Variants in PVT1 observed in about 807,000 individuals in gnomAD.
PVT1 encodes the protein Pvt1 oncogene.
At chr8:127,817,546 T>TATATATATATATATAC (rs1280832628) in intron 2 of PVT1, among the ~76,000 whole-genome samples, 1 of 89,936 alleles carries the variant, frequency 1.1e-5, no homozygotes, top group Non-Finnish European at 2.3e-5. Flanking sequence ...TATATATATA[T>TATATATATATATATAC]ACACACACAC....
chr8:127,864,887 C>A (rs1292600520), intron 2 of PVT1, among the ~76,000 whole-genome samples: 1 of 152,122 alleles, frequency 6.6e-6, no homozygotes, highest in Non-Finnish European at 1.5e-5. Context: ...GTGGAGGCCG[C>A]GGGAACTAGA....
intron 4 of PVT1, among the ~76,000 whole-genome samples, chr8:127,991,961 C>T (rs1284401206): frequency 6.6e-6 from 1 of 151,978 alleles, no homozygotes; most frequent in Non-Finnish European, 1.5e-5. Context: ...GCAGCAAAGG[C>T]ACCAGGAACA....
At chr8:127,921,921 C>G (rs1374983026) in intron 3 of PVT1, among the ~76,000 whole-genome samples, 2 of 109,390 alleles carry the variant, frequency 1.8e-5, no homozygotes, top group South Asian at 3.4e-4. Context: ...AGTGCAGTGG[C>G]GTGATCTTAG....
chr8:128,077,942 T>C (rs1190571537), intron 5 of PVT1, among the ~76,000 whole-genome samples: 1 of 152,172 alleles, frequency 6.6e-6, no homozygotes, highest in Non-Finnish European at 1.5e-5. Flanking sequence ...CAAAAATAAA[T>C]TTCCTGACAC....
intron 2 of PVT1, among the ~76,000 whole-genome samples, chr8:127,834,608 G>T (rs1482471803): frequency 6.6e-6 from 1 of 152,138 alleles, no homozygotes; most frequent in African/African-American, 2.4e-5. Context: ...CACAGCAAAA[G>T]AAACTACTAT....
intron 3 of PVT1, among the ~76,000 whole-genome samples, chr8:127,979,488 G>A (rs1357426372): frequency 6.6e-6 from 1 of 152,206 alleles, no homozygotes; most frequent in African/African-American, 2.4e-5. Flanking sequence ...GTGTTCTCTA[G>A]GAAACAGACG....
chr8:127,938,480 G>A lies in PVT1; in HGVS notation n.782+47482G>A, dbSNP rs530756951. Among the ~76,000 whole-genome samples the A allele has an allele frequency of 3.3e-5, 5 of 152,314 alleles. No individual in the cohort carries two copies. The South Asian group carries it at 8.3e-4, about 25-fold the overall frequency. On this transcript the variant is annotated intron_variant and non_coding_transcript_variant, in intron 3 of 10. Coordinates refer to ENST00000651587, the Ensembl canonical transcript of PVT1. ...CCAGAGCCTTGAGGGGCTGCTGATAGGAACCCAAGGCCTCACCCTGGGGCT... is the reference window on the plus strand; with the variant it reads ...CCAGAGCCTTGAGGGGCTGCTGATAAGAACCCAAGGCCTCACCCTGGGGCT...
chr8:127,861,769 C>T (rs1815231161), intron 2 of PVT1, among the ~76,000 whole-genome samples: 1 of 152,160 alleles, frequency 6.6e-6, no homozygotes, highest in Admixed American at 6.5e-5. Context: ...GTTGTCAAAG[C>T]CCCTCGCTAG....
chr8:127,891,728 C>A (rs1425961366), intron 3 of PVT1, among the ~76,000 whole-genome samples: 2 of 152,074 alleles, frequency 1.3e-5, no homozygotes, highest in African/African-American at 4.8e-5. Context: ...CTGAGCAGAG[C>A]CAGGGAGGCA....
At chr8:128,046,686 C>G (rs572406224) in intron 4 of PVT1, among the ~76,000 whole-genome samples, 1 of 152,352 alleles carries the variant, frequency 6.6e-6, no homozygotes, top group South Asian at 2.1e-4. Context: ...GCTGAACATT[C>G]TTTCACTCTC....
chr8:128,040,891 T>A (rs758725097), intron 4 of PVT1, among the ~76,000 whole-genome samples: 31 of 119,386 alleles, frequency 2.6e-4, no homozygotes, highest in Non-Finnish European at 3.1e-4. Context: ...TGTGTTTGTG[T>A]GTATATGTTT....
At chr8:128,031,176 G>A (rs1459670586) in intron 4 of PVT1, among the ~76,000 whole-genome samples, 1 of 152,210 alleles carries the variant, frequency 6.6e-6, no homozygotes, top group African/African-American at 2.4e-5. Context: ...TAGGAGGCTG[G>A]GCACCTCCTT....
At chr8:128,095,625 G>A (rs1180054277) in intron 5 of PVT1, among the ~76,000 whole-genome samples, 1 of 152,226 alleles carries the variant, frequency 6.6e-6, no homozygotes, top group Non-Finnish European at 1.5e-5. Flanking sequence ...TATAGTGGGG[G>A]AGTGGAATCG....
At chr8:128,028,129 G>A (rs1435038578) in intron 4 of PVT1, among the ~76,000 whole-genome samples, 2 of 152,196 alleles carry the variant, frequency 1.3e-5, no homozygotes, top group African/African-American at 4.8e-5. Flanking sequence ...AACCAGTCCA[G>A]CCAGGTCCCC....
intron 2 of PVT1, among the ~76,000 whole-genome samples, chr8:127,846,284 C>A (rs1279413443): frequency 6.6e-6 from 1 of 152,162 alleles, no homozygotes; most frequent in Non-Finnish European, 1.5e-5. Context: ...TTTGTTGAGT[C>A]CCTGGTGGGT....
At chr8:128,068,237 C>T (rs1362122213) in intron 4 of PVT1, among the ~76,000 whole-genome samples, 3 of 151,968 alleles carry the variant, frequency 2.0e-5, no homozygotes, top group Non-Finnish European at 4.4e-5. Flanking sequence ...GCTTTAGGCT[C>T]CCATTCTCCT....
chr8:127,876,253 A>AGTGTGTGTGT (rs56039408), intron 2 of PVT1, among the ~76,000 whole-genome samples: 1 of 149,104 alleles, frequency 6.7e-6, no homozygotes, highest in African/African-American at 2.5e-5. Context: ...CCCAAACAGC[A>AGTGTGTGTGT]GTGTGTGTGT....
intron 3 of PVT1, among the ~76,000 whole-genome samples, chr8:127,928,397 C>G (rs1301007170): frequency 6.6e-6 from 1 of 152,174 alleles, no homozygotes; most frequent in Non-Finnish European, 1.5e-5. Context: ...CCCTATCTTT[C>G]TCCTACACTG....
At chr8:127,798,941 TATAGC>T (rs1814430964) in intron 2 of PVT1, among the ~76,000 whole-genome samples, 2 of 152,072 alleles carry the variant, frequency 1.3e-5, no homozygotes, top group Non-Finnish European at 2.9e-5. Context: ...TGCAATCAGG[TATAGC>T]ACTGGATTTT....
Sources: gnomAD v4.1 joint callset for allele counts (sites outside exome capture counted in the v4.1 genomes callset) on GRCh38, gnomAD v4.1.1 for gene constraint, MANE v1.5 for transcripts, NCBI Gene and HGNC (gene_info 2026-07-23, HGNC 2026-07-21) for gene names.